Variants in RAB27B observed in about 807,000 individuals in gnomAD.
The protein encoded by RAB27B is ras-related protein Rab-27B.
Under a neutral mutation model 24.6 loss-of-function variants are expected in RAB27B, and 15 were observed. The ratio of observed to expected loss-of-function variants is 0.61; its 90% CI spans 0.41 to 0.94. The LOEUF is 0.94. RAB27B is among the 40% of genes least tolerant of loss of function. RAB27B has a pLI of 0.00. For missense variants in RAB27B, 261 were observed against 266.8 expected, an observed-to-expected ratio of 0.98 and a Z score of 0.15; for synonymous variants, 105 against 92.5, an observed-to-expected ratio of 1.14 and a Z score of -0.78.
At chr18:54,847,231 G>C (rs1382100886) in intron 1 of RAB27B, among the ~76,000 whole-genome samples, 1 of 152,134 alleles carries the variant, frequency 6.6e-6, no homozygotes, top group East Asian at 1.9e-4. Flanking sequence ...ATTCCTACAG[G>C]GATCTGAAGT....
chr18:54,868,641 G>T (rs115655814), intron 1 of RAB27B, among the ~76,000 whole-genome samples: 4,700 of 150,678 alleles, frequency 0.031, 247 homozygotes, highest in African/African-American at 0.11. Context: ...TTTGTTTTTT[G>T]AGACGGAGTT....
intron 2 of RAB27B, among the ~76,000 whole-genome samples, chr18:54,785,887 T>C (rs1010123440): frequency 1.3e-5 from 2 of 152,226 alleles, no homozygotes; most frequent in African/African-American, 4.8e-5. Flanking sequence ...ATAAAGATTC[T>C]TCTTATCTTT....
At position 54,788,588 on chromosome 18, in the gene RAB27B, C is replaced by CCACT. The variant is rs1396478436; in HGVS notation, c.-20+70448_-20+70451dup. Among the ~76,000 whole-genome samples the CCACT allele has an allele frequency of 1.5e-4, 23 of 152,210 alleles. 1 individual carries two copies. Among genetic ancestry groups the CCACT allele is most frequent in the Non-Finnish European group, 3.4e-4 (23 of 68,042 alleles). On this transcript the variant is annotated intron_variant, in intron 2 of 4. Transcript: ENST00000586570. ...AAAGTGCTGTGATTACAGGCATGAG[C>CCACT]CACTGCACCTGGGCTCAGCTGACTT...
intron 1 of RAB27B, among the ~76,000 whole-genome samples, chr18:54,839,659 A>G (rs1432642212): frequency 6.6e-6 from 1 of 152,210 alleles, no homozygotes; most frequent in African/African-American, 2.4e-5. Flanking sequence ...TGTACTATCT[A>G]GCACCCCCAG....
intron 1 of RAB27B, among the ~76,000 whole-genome samples, chr18:54,844,995 G>A (rs975032910): frequency 2.0e-5 from 3 of 152,036 alleles, no homozygotes; most frequent in African/African-American, 7.2e-5. Context: ...CTGATGTGTC[G>A]ACTTTTACTA....
At position 54,869,802 on chromosome 18, in the gene RAB27B, A is replaced by T. The variant is rs1912390807; in HGVS notation, c.-19-7765A>T. 2.6e-5 allele frequency among the ~76,000 whole-genome samples: 4 copies of T among 152,254 alleles called. No individual in the cohort carries two copies. In the South Asian group the frequency reaches 8.3e-4, roughly 32 times the overall value. ...TGTCAAGTAGGAAATAAGTATCAAAACAGAGGGAATTTTAAAAATCATATG... is the reference window on the plus strand; with the variant it reads ...TGTCAAGTAGGAAATAAGTATCAAATCAGAGGGAATTTTAAAAATCATATG... On this transcript the variant is annotated intron_variant, in intron 1 of 5. Transcript: ENST00000262094.
intron 2 of RAB27B, among the ~76,000 whole-genome samples, chr18:54,804,952 TTC>T (rs765091538): frequency 4.3e-4 from 54 of 124,516 alleles, no homozygotes; most frequent in South Asian, 5.6e-4. Context: ...CTTTCTTTCT[TTC>T]TCTTTCTTTC....
intron 4 of RAB27B, among the ~76,000 whole-genome samples, chr18:54,886,083 A>C (rs1403084749): frequency 6.6e-6 from 1 of 152,078 alleles, no homozygotes; most frequent in Non-Finnish European, 1.5e-5. Flanking sequence ...ATTACATTTC[A>C]ACGTTGGACA....
At chr18:54,841,178 A>AG (rs1911107178) in intron 1 of RAB27B, among the ~76,000 whole-genome samples, 8 of 12,038 alleles carry the variant, frequency 6.6e-4, no homozygotes, top group Non-Finnish European at 2.2e-3. Flanking sequence ...GTTTGGTGAG[A>AG]GGGGCGGGAA....
At chr18:54,766,960 T>C (rs1177624655) in intron 2 of RAB27B, among the ~76,000 whole-genome samples, 2 of 152,132 alleles carry the variant, frequency 1.3e-5, no homozygotes, top group Non-Finnish European at 1.5e-5. Context: ...TTCTTTAAAT[T>C]GTGCCAAATG....
intron 2 of RAB27B, among the ~76,000 whole-genome samples, chr18:54,720,266 G>A (rs375298775): frequency 8.6e-4 from 131 of 152,128 alleles, no homozygotes; most frequent in African/African-American, 3.1e-3. Flanking sequence ...TTATCCCAAG[G>A]CCTTGAAAAG....
rs576501549 is a variant in RAB27B, at chr18:54,754,767, C to A, written c.-20+36626C>A. Among the ~76,000 whole-genome samples the A allele has an allele frequency of 2.6e-5, 4 of 152,278 alleles. No homozygotes were observed. The South Asian group carries it at 8.3e-4, about 32-fold the overall frequency. On this transcript the variant is annotated intron_variant, in intron 2 of 4. Coordinates refer to the RAB27B transcript ENST00000586570. The stretch of plus-strand genomic sequence containing the variant: ...AGCATAACTATAATTATCCTGAAAG[C>A]ATATATTGTTATGAGTATTGGGACA...
chr18:54,785,136 C>G (rs1282753043), intron 2 of RAB27B, among the ~76,000 whole-genome samples: 1 of 151,296 alleles, frequency 6.6e-6, no homozygotes, highest in Non-Finnish European at 1.5e-5. Flanking sequence ...GAGTCTCGCT[C>G]TGTCGCCCAG....
intron 2 of RAB27B, among the ~76,000 whole-genome samples, chr18:54,742,578 T>C (rs749339646): frequency 6.6e-6 from 1 of 152,244 alleles, no homozygotes; most frequent in Non-Finnish European, 1.5e-5. Context: ...TTGCCTCTGC[T>C]AATAATCAAG....
intron 1 of RAB27B, among the ~76,000 whole-genome samples, chr18:54,865,968 A>T (rs2145247317): frequency 6.6e-6 from 1 of 152,322 alleles, no homozygotes; most frequent in South Asian, 2.1e-4. Flanking sequence ...AGTTCTGTCC[A>T]TGGCCCTATC....
At chr18:54,866,157 A>G (rs1912212916) in intron 1 of RAB27B, among the ~76,000 whole-genome samples, 1 of 152,166 alleles carries the variant, frequency 6.6e-6, no homozygotes. Context: ...TAGGGTTCCA[A>G]TCCCAGACCT....
chr18:54,760,960 G>A (rs1908167168), intron 2 of RAB27B, among the ~76,000 whole-genome samples: 1 of 151,204 alleles, frequency 6.6e-6, no homozygotes, highest in Non-Finnish European at 1.5e-5. Flanking sequence ...AATGGGAAAG[G>A]TCTATGGAGG....
Position 54,863,182 on chromosome 18 carries a change from T to C in RAB27B, c.-19-14385T>C, listed in dbSNP as rs151141633. 2.5e-3 allele frequency among the ~76,000 whole-genome samples: 380 copies of C among 152,298 alleles called. 4 individuals carry two copies. Among genetic ancestry groups the C allele is most frequent in the African/African-American group, 8.4e-3 (349 of 41,552 alleles). On this transcript the variant is annotated intron_variant, in intron 1 of 5. Transcript: ENST00000262094. ...AAAACAGTACCTGATTAAGTATATATGTGATTAAATACATAGATTATTAAA... is the reference window on the plus strand; with the variant it reads ...AAAACAGTACCTGATTAAGTATATACGTGATTAAATACATAGATTATTAAA...
chr18:54,884,294 GACTA>G, intron 3 of RAB27B, 35 bp from the exon 4 acceptor site: 2 of 1,238,126 alleles, frequency 1.6e-6, no homozygotes, highest in Non-Finnish European at 2.4e-6. Flanking sequence ...AAGATATGTG[GACTA>G]ACTTTCAGAA....
Sources: gnomAD v4.1 joint callset for allele counts (sites outside exome capture counted in the v4.1 genomes callset) on GRCh38, gnomAD v4.1.1 for gene constraint, MANE v1.5 for transcripts, NCBI Gene and HGNC (gene_info 2026-07-23, HGNC 2026-07-21) for gene names.